KCNB2: variants seen among roughly 807,000 people sequenced by gnomAD.
The protein encoded by KCNB2 is delayed rectifier potassium channel protein.
KCNB2 carries 15 observed loss-of-function variants against 61.5 expected under a neutral mutation model. The ratio of observed to expected loss-of-function variants is 0.24; its 90% CI spans 0.16 to 0.38. The LOEUF (loss-of-function observed/expected upper bound fraction) is 0.38, where lower values mean the gene tolerates loss of function less well. Among genes scored for constraint, KCNB2 ranks in the 10% least tolerant of loss-of-function variants. The pLI is 1.00. For missense variants in KCNB2, 828 were observed against 1,125.2 expected (o/e 0.74, Z 3.78); for synonymous variants, 457 against 446.0 (o/e 1.02, Z -0.31).
At chr8:72,793,019 G>C (rs1483336345) in intron 2 of KCNB2, among the ~76,000 whole-genome samples, 1 of 152,156 alleles carries the variant, frequency 6.6e-6, no homozygotes, top group Non-Finnish European at 1.5e-5. Flanking sequence ...TGAAACCTGT[G>C]ACTAGCTAGA....
chr8:72,921,393 T>C (rs972947442), intron 2 of KCNB2, among the ~76,000 whole-genome samples: 1 of 152,148 alleles, frequency 6.6e-6, no homozygotes, highest in African/African-American at 2.4e-5. Flanking sequence ...CACACATAGG[T>C]AACTGCCACC....
chr8:72,656,489 T>C (rs1403386705), intron 2 of KCNB2, among the ~76,000 whole-genome samples: 1 of 152,270 alleles, frequency 6.6e-6, no homozygotes, highest in East Asian at 1.9e-4. Flanking sequence ...AGCCAGGAAA[T>C]GCAAAAGCAA....
intron 2 of KCNB2, among the ~76,000 whole-genome samples, chr8:72,903,812 G>T (rs867703085): frequency 2.0e-5 from 3 of 151,972 alleles, no homozygotes; most frequent in African/African-American, 7.3e-5. Context: ...ACTTCTTCTA[G>T]GTGGATTACC....
chr8:72,573,621 G>A (rs1806748764), intron 2 of KCNB2, among the ~76,000 whole-genome samples: 2 of 151,450 alleles, frequency 1.3e-5, no homozygotes, highest in South Asian at 2.1e-4. Context: ...TGTGTACCAC[G>A]CAGTGCTATC....
intron 2 of KCNB2, among the ~76,000 whole-genome samples, chr8:72,785,619 G>T (rs1163930563): frequency 6.6e-6 from 1 of 151,666 alleles, no homozygotes; most frequent in Admixed American, 6.6e-5. Flanking sequence ...ATTTTTTTTT[G>T]ACATCCTGTT....
chr8:72,787,392 G>C (rs567395824), intron 2 of KCNB2, among the ~76,000 whole-genome samples: 1 of 152,066 alleles, frequency 6.6e-6, no homozygotes, highest in African/African-American at 2.4e-5. Flanking sequence ...GCAGGACTCT[G>C]TCTCTAAAAT....
At chr8:72,927,271 C>CT (rs66960603) in intron 2 of KCNB2, among the ~76,000 whole-genome samples, 34 of 148,902 alleles carry the variant, frequency 2.3e-4, no homozygotes, top group Non-Finnish European at 2.8e-4. Context: ...TCTTTTCTTT[C>CT]TTTTTTTTTT....
At chr8:72,922,058 A>G (rs548322887) in intron 2 of KCNB2, among the ~76,000 whole-genome samples, 1 of 152,356 alleles carries the variant, frequency 6.6e-6, no homozygotes, top group South Asian at 2.1e-4. Context: ...CTAGAAGTCT[A>G]AAACCAAGGT....
intron 2 of KCNB2, among the ~76,000 whole-genome samples, chr8:72,874,162 AT>A (rs1369690356): frequency 6.6e-6 from 1 of 152,072 alleles, no homozygotes; most frequent in Non-Finnish European, 1.5e-5. Flanking sequence ...ACTTTAACTC[AT>A]TTTTCTTAAT....
intron 2 of KCNB2, among the ~76,000 whole-genome samples, chr8:72,762,726 A>T (rs1563583243): frequency 6.6e-6 from 1 of 152,092 alleles, no homozygotes; most frequent in Non-Finnish European, 1.5e-5. Flanking sequence ...AGTAAATGTT[A>T]GCTCTTATTA....
intron 2 of KCNB2, among the ~76,000 whole-genome samples, chr8:72,621,699 TC>T (rs1290450107): frequency 6.6e-6 from 1 of 152,224 alleles, no homozygotes; most frequent in Middle Eastern, 3.2e-3. Flanking sequence ...GCAGTCATTT[TC>T]TTTTTACAGA....
chr8:72,937,736 T>A lies in KCNB2; in HGVS notation c.2381T>A (p.Phe794Tyr). ...LSPRFPKQKL[F>Y]PFSSRERRSF... ...CCCAGGTTTCCCAAGCAGAAACTGTTCCCTTTCTCTTCAAGAGAGAGGAGG... is the reference window on the plus strand; with the variant it reads ...CCCAGGTTTCCCAAGCAGAAACTGTACCCTTTCTCTTCAAGAGAGAGGAGG... Residue 794 changes from phenylalanine (F) to tyrosine (Y), a missense_variant, in exon 3 of 3, where the codon TTC (phenylalanine) becomes TAC (tyrosine). Physicochemically the swap from Phe to Tyr is conservative, Grantham distance 22 (BLOSUM62 3). This residue lies in a region of KCNB2 where 559 missense variants were observed against 588.4 expected (regional missense o/e 0.95). Coordinates refer to ENST00000523207, the MANE Select transcript of KCNB2 (RefSeq NM_004770.3). 6.2e-7 allele frequency: 1 copy of A among 1,613,902 alleles called. No individual in the cohort carries two copies. Among genetic ancestry groups the A allele is most frequent in the Admixed American group, 1.7e-5 (1 of 59,926 alleles).
intron 2 of KCNB2, among the ~76,000 whole-genome samples, chr8:72,654,017 T>C (rs764643249): frequency 5.3e-5 from 8 of 152,196 alleles, no homozygotes; most frequent in Non-Finnish European, 1.0e-4. Context: ...GATTAGAGAA[T>C]GCACTTTTTA....
chr8:72,646,581 A>G (rs934276642), intron 2 of KCNB2, among the ~76,000 whole-genome samples: 1 of 152,200 alleles, frequency 6.6e-6, no homozygotes, highest in Non-Finnish European at 1.5e-5. Flanking sequence ...TACAACATGG[A>G]TGAACCTCGA....
intron 2 of KCNB2, among the ~76,000 whole-genome samples, chr8:72,637,955 GT>G (rs1805992655): frequency 6.6e-6 from 1 of 152,128 alleles, no homozygotes; most frequent in African/African-American, 2.4e-5. Context: ...ATATGTCAGT[GT>G]TTCCTTCCTC....
chr8:72,769,667 A>C (rs1206281657), intron 2 of KCNB2, among the ~76,000 whole-genome samples: 1 of 152,146 alleles, frequency 6.6e-6, no homozygotes, highest in East Asian at 1.9e-4. Flanking sequence ...ACAGACAGGC[A>C]ATCGGATTGG....
chr8:72,648,431 C>T (rs558088810), intron 2 of KCNB2, among the ~76,000 whole-genome samples: 7 of 152,078 alleles, frequency 4.6e-5, no homozygotes, highest in Non-Finnish European at 7.4e-5. Context: ...ACCACCCATG[C>T]CAAGCTAATT....
At chr8:72,600,881 T>C (rs1255486181) in intron 2 of KCNB2, among the ~76,000 whole-genome samples, 5 of 151,950 alleles carry the variant, frequency 3.3e-5, no homozygotes, top group Non-Finnish European at 5.9e-5. Flanking sequence ...AAAAAATAAC[T>C]AATAGGTACT....
At chr8:72,649,646 A>G (rs1806184153) in intron 2 of KCNB2, among the ~76,000 whole-genome samples, 1 of 152,180 alleles carries the variant, frequency 6.6e-6, no homozygotes. Context: ...ATCAATGAGA[A>G]TAGATACTTC....
Sources: allele counts gnomAD v4.1 joint callset (sites outside exome capture counted in the v4.1 genomes callset), GRCh38; gene constraint gnomAD v4.1.1; regional missense constraint gnomAD v4.1.1; transcripts MANE v1.5; gene names NCBI Gene and HGNC (gene_info 2026-07-23, HGNC 2026-07-21).